Variants in SCML2 observed in about 807,000 individuals in gnomAD.
SCML2 encodes sex comb on midleg-like protein 2.
Under a neutral mutation model 48.4 loss-of-function variants are expected in SCML2, and 6 were observed. The ratio of observed to expected loss-of-function variants is 0.12; its 90% CI spans 0.07 to 0.24. The LOEUF (loss-of-function observed/expected upper bound fraction) is 0.24, where lower values mean the gene tolerates loss of function less well. Among genes scored for constraint, SCML2 ranks in the 10% least tolerant of loss-of-function variants. The probability of loss-of-function intolerance (pLI) is 1.00; values close to 1 mark genes in which losing one functional copy is unlikely to be tolerated. For synonymous variants in SCML2, 181 were observed against 189.5 expected (o/e 0.95, Z 0.37); for missense variants, 377 against 528.2 (o/e 0.71, Z 2.81).
Position 18,324,003 on chromosome X carries a change from C to T in SCML2, c.253G>A (p.Val85Ile). Residue 85 changes from valine to isoleucine, a missense_variant, in exon 5 of 15, where the codon GTT (valine) becomes ATT (isoleucine). Around this residue, in one of 3 missense-constraint regions of SCML2, gnomAD observed 17 missense variants for 42.8 expected, o/e 0.40. Coordinates refer to ENST00000251900, the MANE Select transcript of SCML2 (RefSeq NM_006089.3). ...RNATSVCIAT[V>I]IGITGARLRL... ...AACCTGGCCCCAGTAATTCCAATAA[C>T]CGTAGCAATACATACTGAAGTGGCA... 8.3e-7 allele frequency: 1 copy of T among 1,210,774 alleles called. No individual in the cohort carries two copies. The highest frequency in any genetic ancestry group is 1.1e-6 in the Non-Finnish European group (1 of 894,932).
intron 1 of SCML2, among the ~76,000 whole-genome samples, chrX:18,339,160 AG>A (rs1431358533): frequency 9.0e-6 from 1 of 111,555 alleles, no homozygotes; most frequent in Non-Finnish European, 1.9e-5. Flanking sequence ...TACAGACCAA[AG>A]AGTTGTTGCT....
chrX:18,253,706 A>G (rs770166203), intron 11 of SCML2, among the ~76,000 whole-genome samples: 1 of 111,854 alleles, frequency 8.9e-6, no homozygotes, highest in Non-Finnish European at 1.9e-5. Flanking sequence ...AATGTTCATG[A>G]TAACACTATT....
At chrX:18,350,435 G>A (rs1930336012) in intron 1 of SCML2, among the ~76,000 whole-genome samples, 1 of 110,592 alleles carries the variant, frequency 9.0e-6, no homozygotes. Context: ...AATTAGCCAG[G>A]CTCGGTGGCG....
intron 5 of SCML2, among the ~76,000 whole-genome samples, chrX:18,321,409 G>C (rs1382428231): frequency 9.1e-6 from 1 of 110,348 alleles, no homozygotes; most frequent in Non-Finnish European, 1.9e-5. Flanking sequence ...GAATTAGAAA[G>C]AACTTGGTAT....
chrX:18,271,152 T>G (rs189941480), intron 7 of SCML2, among the ~76,000 whole-genome samples: 2 of 111,414 alleles, frequency 1.8e-5, no homozygotes, highest in Middle Eastern at 4.6e-3. Flanking sequence ...AGGAGATAGG[T>G]GCCAATATTT....
intron 1 of SCML2, among the ~76,000 whole-genome samples, chrX:18,352,557 T>A (rs1337133582): frequency 8.9e-6 from 1 of 112,129 alleles, no homozygotes; most frequent in Non-Finnish European, 1.9e-5. Context: ...CGTATTGATT[T>A]TTTTAGCTAT....
At chrX:18,305,292 C>T (rs747512290) in intron 6 of SCML2, 77 bp from the exon 7 acceptor site, 3 of 992,611 alleles carry the variant, frequency 3.0e-6, no homozygotes, top group Middle Eastern at 3.1e-4. Context: ...TGAAAAGTTG[C>T]GTATTCTCTC....
At chrX:18,256,120 A>T (rs1196443762) in intron 11 of SCML2, among the ~76,000 whole-genome samples, 1 of 111,415 alleles carries the variant, frequency 9.0e-6, no homozygotes, top group African/African-American at 3.3e-5. Context: ...TGGGGTTCTT[A>T]TGGAAGAGAA....
At chrX:18,306,109 A>AT (rs1353598537) in intron 6 of SCML2, among the ~76,000 whole-genome samples, 1 of 111,448 alleles carries the variant, frequency 9.0e-6, no homozygotes, top group Non-Finnish European at 1.9e-5. Flanking sequence ...TGGACTGGTG[A>AT]TTTTCTGCCC....
intron 7 of SCML2, among the ~76,000 whole-genome samples, chrX:18,302,348 G>A (rs150625857): frequency 3.9e-4 from 43 of 111,000 alleles, no homozygotes; most frequent in African/African-American, 1.2e-3. Context: ...AGCCAACCTA[G>A]TGATCTCCTA....
intron 3 of SCML2, among the ~76,000 whole-genome samples, chrX:18,328,019 G>A (rs1228112788): frequency 8.9e-6 from 1 of 111,880 alleles, no homozygotes; most frequent in African/African-American, 3.2e-5. Context: ...TTCTATCTCA[G>A]AAGAGAGGCC....
chrX:18,320,341 T>C lies in SCML2; in HGVS notation c.477A>G (p.Leu159=), dbSNP rs1308420026. The part of the protein sequence containing the change: ...LNGSEMASAT[L]FKKEPPKPPL... ...ATAACATCTTTCTTACCTTCTTAAA[T>C]AATGTGGCAGATGCCATTTCAGACC... Residue 159 remains leucine, a synonymous_variant, in exon 6 of 15, where the codon TTA becomes TTG. Transcript: ENST00000251900. 1.8e-6 allele frequency: 2 copies of C among 1,132,263 alleles called. No individual in the cohort carries two copies. The highest frequency in any genetic ancestry group is 3.0e-5 in the East Asian group (1 of 32,852). 93.3% of individuals were successfully genotyped at this position (1,132,263 alleles called of 1,213,427 possible). A position where few individuals can be genotyped will look rare whatever the true frequency, so the allele number is the denominator to read the frequency against.
At chrX:18,252,902 T>G (rs1437084610) in intron 11 of SCML2, among the ~76,000 whole-genome samples, 1 of 112,394 alleles carries the variant, frequency 8.9e-6, no homozygotes, top group Non-Finnish European at 1.9e-5. Context: ...TACAGGAAGC[T>G]GGGGAGTTAG....
At chrX:18,300,533 G>A (rs1928552847) in intron 7 of SCML2, among the ~76,000 whole-genome samples, 1 of 111,093 alleles carries the variant, frequency 9.0e-6, no homozygotes, top group Non-Finnish European at 1.9e-5. Context: ...GCTCACACCT[G>A]TAATCCCAGC....
At chrX:18,302,318 T>C (rs1389610730) in intron 7 of SCML2, among the ~76,000 whole-genome samples, 7 of 110,929 alleles carry the variant, frequency 6.3e-5, no homozygotes. Flanking sequence ...TTAAAATCTT[T>C]TCTCTCCTGT....
chrX:18,335,473 C>T (rs1231812402), intron 1 of SCML2, among the ~76,000 whole-genome samples: 3 of 111,031 alleles, frequency 2.7e-5, no homozygotes, highest in South Asian at 3.8e-4. Context: ...CACTGTACTC[C>T]ACCCTGGGAG....
At chrX:18,245,000 A>G (rs2147459637) in intron 13 of SCML2, among the ~76,000 whole-genome samples, 1 of 111,881 alleles carries the variant, frequency 8.9e-6, no homozygotes, top group South Asian at 3.8e-4. Context: ...CCCTGGAGTC[A>G]GAGTGTTTGA....
chrX:18,339,234 T>A (rs1231545100), intron 1 of SCML2, among the ~76,000 whole-genome samples: 1 of 111,996 alleles, frequency 8.9e-6, no homozygotes, highest in Non-Finnish European at 1.9e-5. Flanking sequence ...TAAATGTATA[T>A]ATTTATAACA....
chrX:18,332,571 T>C (rs1391073597), intron 2 of SCML2, among the ~76,000 whole-genome samples: 1 of 112,077 alleles, frequency 8.9e-6, no homozygotes, highest in Non-Finnish European at 1.9e-5. Flanking sequence ...TATATAGAAA[T>C]TTTTTGGCCA....
Sources: gnomAD v4.1 joint callset for allele counts (sites outside exome capture counted in the v4.1 genomes callset) on GRCh38, gnomAD v4.1.1 for gene constraint, gnomAD v4.1.1 regional missense constraint, MANE v1.5 for transcripts, NCBI Gene and HGNC (gene_info 2026-07-23, HGNC 2026-07-21) for gene names.